CDH13: variants seen among roughly 807,000 people sequenced by gnomAD.
CDH13 encodes cadherin 13, also known as cadherin-13.
A neutral mutation model predicts 63.8 loss-of-function variants in CDH13; 24 were observed. The ratio of observed to expected loss-of-function variants is 0.38; its 90% CI spans 0.27 to 0.53. The LOEUF (loss-of-function observed/expected upper bound fraction) is 0.53. Among genes scored for constraint, CDH13 ranks in the 20% least tolerant of loss-of-function variants. The pLI is 0.85. For synonymous variants in CDH13, 503 were observed against 355.3 expected (o/e 1.42, Z -4.67); for missense variants, 1,049 against 903.1 (o/e 1.16, Z -2.07).
intron 6 of CDH13, among the ~76,000 whole-genome samples, chr16:83,471,918 ACTTCTATT>A (rs1357479825): frequency 6.6e-6 from 1 of 152,196 alleles, no homozygotes; most frequent in East Asian, 1.9e-4. Flanking sequence ...GTACAAATCT[ACTTCTATT>A]TAGACAACCT....
At chr16:83,439,630 C>T (rs1311857756) in intron 6 of CDH13, among the ~76,000 whole-genome samples, 1 of 152,184 alleles carries the variant, frequency 6.6e-6, no homozygotes, top group Non-Finnish European at 1.5e-5. Context: ...AAGGCGATGG[C>T]TTCGGCAATG....
chr16:83,334,040 C>T (rs1044539934), intron 5 of CDH13, among the ~76,000 whole-genome samples: 1 of 152,090 alleles, frequency 6.6e-6, no homozygotes, highest in East Asian at 1.9e-4. Context: ...TGGGGAAAAA[C>T]CCATTTCCTT....
chr16:83,532,050 A>T lies in CDH13; in HGVS notation c.960+45395A>T, dbSNP rs529850388. On this transcript the variant is annotated intron_variant, in intron 7 of 13. Coordinates refer to ENST00000567109, the MANE Select transcript of CDH13 (RefSeq NM_001257.5). ...TGTGCTATGCTTGTGATAGTGAGGA[A>T]GTCTCATGAGATCTGATGGTTTTAT... Among the ~76,000 whole-genome samples the T allele has an allele frequency of 4.6e-5, 7 of 152,216 alleles. No individual in the cohort carries two copies. The East Asian group carries it at 1.4e-3, about 29-fold the overall frequency.
At chr16:83,252,135 T>C (rs374549801) in intron 5 of CDH13, among the ~76,000 whole-genome samples, 2 of 15,992 alleles carry the variant, frequency 1.3e-4, no homozygotes, top group African/African-American at 1.4e-4. Flanking sequence ...CACACATATA[T>C]ATGTATATAT....
intron 1 of CDH13, among the ~76,000 whole-genome samples, chr16:82,793,190 G>T (rs764836877): frequency 4.4e-4 from 67 of 152,236 alleles, no homozygotes; most frequent in Non-Finnish European, 9.3e-4. Flanking sequence ...TGAAGCCATT[G>T]TGTCGCCTGT....
At chr16:82,997,011 GTGATGGTGA>G (rs1467427385) in intron 2 of CDH13, among the ~76,000 whole-genome samples, 14 of 150,352 alleles carry the variant, frequency 9.3e-5, no homozygotes, top group African/African-American at 3.2e-4. Flanking sequence ...GATAGTGATG[GTGATGGTGA>G]TGATGGTGAT....
intron 1 of CDH13, among the ~76,000 whole-genome samples, chr16:82,796,465 G>C (rs146904086): frequency 2.0e-4 from 30 of 152,344 alleles, no homozygotes; most frequent in African/African-American, 6.7e-4. Context: ...TAGGAGCTGT[G>C]ATTTCAACAG....
chr16:83,566,507 CCTCCATT>C (rs57030116), intron 7 of CDH13, among the ~76,000 whole-genome samples: 2 of 151,342 alleles, frequency 1.3e-5, no homozygotes, highest in Non-Finnish European at 3.0e-5. Context: ...CAGAGCCCCA[CCTCCATT>C]CTCCATTCTC....
At chr16:83,492,805 T>G (rs578239362) in intron 7 of CDH13, among the ~76,000 whole-genome samples, 1 of 152,266 alleles carries the variant, frequency 6.6e-6, no homozygotes, top group South Asian at 2.1e-4. Context: ...CATTTGCTCC[T>G]CCACTCTGGA....
chr16:82,714,372 A>T (rs963531345), intron 1 of CDH13, among the ~76,000 whole-genome samples: 1 of 152,118 alleles, frequency 6.6e-6, no homozygotes, highest in Non-Finnish European at 1.5e-5. Context: ...AATAAAAATG[A>T]GGTCATTTTG....
intron 1 of CDH13, among the ~76,000 whole-genome samples, chr16:82,760,828 G>A (rs1301536410): frequency 1.3e-5 from 2 of 151,898 alleles, no homozygotes; most frequent in East Asian, 1.9e-4. Flanking sequence ...CATGGTGAGA[G>A]AGAGAGCAAG....
intron 1 of CDH13, chr16:82,637,740 C>G (rs916381370): frequency 1.3e-5 from 2 of 152,202 alleles, no homozygotes; most frequent in Admixed American, 6.5e-5. Context: ...CCCGGCCTAT[C>G]GTGCCCTTTC....
At chr16:83,634,659 C>A (rs1911097360) in intron 8 of CDH13, among the ~76,000 whole-genome samples, 1 of 152,086 alleles carries the variant, frequency 6.6e-6, no homozygotes, top group African/African-American at 2.4e-5. Flanking sequence ...CCTCGGCCTC[C>A]CAAAGTGCTG....
chr16:83,741,373 T>A (rs1309611525), intron 10 of CDH13, among the ~76,000 whole-genome samples: 1 of 152,086 alleles, frequency 6.6e-6, no homozygotes, highest in Admixed American at 6.5e-5. Flanking sequence ...TTTTACAGGG[T>A]TGTTTGTATC....
intron 4 of CDH13, among the ~76,000 whole-genome samples, chr16:83,172,349 G>A (rs1456384361): frequency 6.6e-6 from 1 of 151,986 alleles, no homozygotes; most frequent in Admixed American, 6.6e-5. Flanking sequence ...AATTTAGCCA[G>A]GCGTAGTGGT....
At chr16:83,442,753 T>C (rs1355372192) in intron 6 of CDH13, among the ~76,000 whole-genome samples, 2 of 152,260 alleles carry the variant, frequency 1.3e-5, no homozygotes, top group African/African-American at 2.4e-5. Context: ...GTTACCTTAA[T>C]ACTCTGCCAG....
intron 2 of CDH13, among the ~76,000 whole-genome samples, chr16:82,996,569 A>G (rs1452024371): frequency 2.6e-5 from 4 of 152,220 alleles, no homozygotes; most frequent in South Asian, 4.1e-4. Context: ...AAAAACATTA[A>G]TGATAGCAAC....
chr16:83,143,447 C>T (rs1447822526), intron 4 of CDH13, among the ~76,000 whole-genome samples: 1 of 152,098 alleles, frequency 6.6e-6, no homozygotes, highest in Non-Finnish European at 1.5e-5. Flanking sequence ...AGTGAGTTCC[C>T]TGTATTTAGC....
chr16:82,868,440 A>G (rs1020171063), intron 2 of CDH13, among the ~76,000 whole-genome samples: 1 of 152,242 alleles, frequency 6.6e-6, no homozygotes, highest in African/African-American at 2.4e-5. Flanking sequence ...CTATAATAAA[A>G]TGACGTAAGA....
Sources: allele counts gnomAD v4.1 joint callset (sites outside exome capture counted in the v4.1 genomes callset), GRCh38; gene constraint gnomAD v4.1.1; transcripts MANE v1.5; gene names NCBI Gene and HGNC (gene_info 2026-07-23, HGNC 2026-07-21).